Variants in PCDHGA2 observed in about 807,000 individuals in gnomAD.
PCDHGA2 encodes protocadherin gamma-A2.
In PCDHGA2, 40 loss-of-function variants were observed where a neutral mutation model predicts 59.2. That is an observed-to-expected ratio of 0.68 (90% CI 0.52 to 0.88). The LOEUF (loss-of-function observed/expected upper bound fraction) is 0.88. Ranked by LOEUF, PCDHGA2 falls within the 40% of genes least tolerant of loss-of-function variation. PCDHGA2 has a pLI of 0.00. For missense variants in PCDHGA2, 1,226 were observed against 1,204.0 expected, an observed-to-expected ratio of 1.02 and a Z score of -0.27; for synonymous variants, 560 against 526.0, an observed-to-expected ratio of 1.06 and a Z score of -0.89.
intron 1 of PCDHGA2, chr5:141,441,667 A>C: frequency 3.7e-6 from 1 of 267,984 alleles, no homozygotes; most frequent in Non-Finnish European, 7.4e-6. Flanking sequence ...TTGAGCGCAC[A>C]GTGCGCCTTC....
At chr5:141,366,088 C>G (rs752144187) in intron 1 of PCDHGA2, 2 of 1,614,256 alleles carry the variant, frequency 1.2e-6, no homozygotes, top group South Asian at 2.2e-5. Context: ...AACCTGGCTA[C>G]CTGGTGACCA....
chr5:141,374,365 G>C, intron 1 of PCDHGA2: 1 of 1,614,054 alleles, frequency 6.2e-7, no homozygotes, highest in Non-Finnish European at 8.5e-7. Flanking sequence ...ACCGCGAGGA[G>C]CTCTGTGCTC....
chr5:141,509,179 C>T (rs895281717), intron 3 of PCDHGA2, among the ~76,000 whole-genome samples: 1 of 152,172 alleles, frequency 6.6e-6, no homozygotes, highest in African/African-American at 2.4e-5. Flanking sequence ...TCCTCTTATG[C>T]CGGCTTGAAA....
chr5:141,402,973 C>G (rs779898665), intron 1 of PCDHGA2: 1 of 1,607,926 alleles, frequency 6.2e-7, no homozygotes. Context: ...CAACCAAATG[C>G]CAGCTCCGCG....
rs756706355 is a variant in PCDHGA2 at position 141,486,950 on chromosome 5, G to C, written c.2425-7857G>C. 6.2e-7 allele frequency: 1 copy of C among 1,614,202 alleles called. No homozygotes were observed. Among genetic ancestry groups the C allele is most frequent in the East Asian group, 2.2e-5 (1 of 44,876 alleles). On this transcript the variant is annotated intron_variant, in intron 1 of 3. Coordinates refer to ENST00000394576, the MANE Select transcript of PCDHGA2 (RefSeq NM_018915.4). The surrounding 1 kb of genome is among the most constrained non-coding windows in gnomAD (Gnocchi z 5.0). ...TGGTGCTGGCCACCTAATCACAAAG[G>C]TGACTGCTGTGGACTTGGATTCAGG...
chr5:141,393,171 G>A (rs768471669), intron 1 of PCDHGA2: 1 of 1,613,268 alleles, frequency 6.2e-7, no homozygotes, highest in Non-Finnish European at 8.5e-7. Context: ...CTTTGGGGTA[G>A]AAATAGAAAT....
intron 1 of PCDHGA2, chr5:141,345,570 G>A (rs575051330): frequency 2.5e-6 from 4 of 1,614,152 alleles, no homozygotes; most frequent in East Asian, 4.5e-5. Flanking sequence ...CAACACTGGC[G>A]TCCTATACGC....
chr5:141,430,015 T>G (rs2097256653), intron 1 of PCDHGA2, among the ~76,000 whole-genome samples: 1 of 152,236 alleles, frequency 6.6e-6, no homozygotes, highest in South Asian at 2.1e-4. Context: ...TTCACTTGGG[T>G]TCTTGTTAAG....
At chr5:141,410,132 G>T (rs1278988827) in intron 1 of PCDHGA2, 1 of 1,612,754 alleles carries the variant, frequency 6.2e-7, no homozygotes, top group Non-Finnish European at 8.5e-7. Flanking sequence ...GCGCCTGCTG[G>T]TCGCTGTGCG....
At chr5:141,405,555 G>C in intron 1 of PCDHGA2, 1 of 620,228 alleles carries the variant, frequency 1.6e-6, no homozygotes, top group Non-Finnish European at 2.8e-6. Context: ...AAGTAGAGTA[G>C]CTGGGACTAG....
At chr5:141,419,797 A>G (rs371201079) in intron 1 of PCDHGA2, 14 of 1,613,920 alleles carry the variant, frequency 8.7e-6, no homozygotes, top group Non-Finnish European at 1.1e-5. Flanking sequence ...TAGTCGCTGT[A>G]AGAGATGGAG....
intron 1 of PCDHGA2, chr5:141,352,367 G>A: frequency 3.1e-6 from 5 of 1,614,060 alleles, no homozygotes; most frequent in South Asian, 1.1e-5. Context: ...TCTCCTCGCG[G>A]TGATTCTAGC....
intron 1 of PCDHGA2, chr5:141,384,400 G>C: frequency 6.2e-7 from 1 of 1,613,936 alleles, no homozygotes; most frequent in South Asian, 1.1e-5. Flanking sequence ...GGGGGCTCCA[G>C]TGTCCTCCTA....
In PCDHGA2 at chr5:141,477,681, T is replaced by G; in HGVS notation, c.2425-17126T>G. On this transcript the variant is annotated intron_variant, in intron 1 of 3. Transcript: ENST00000394576. This position sits in a 1 kb window ranked among gnomAD's most constrained non-coding sequence, Gnocchi z 4.9. ...CGTGACAATGGCATAGTGTCATCCT[T>G]AGTGCCCCTAGACTATGAGGATCGG... 1 of 1,614,180 alleles carries G rather than the reference T, an allele frequency of 6.2e-7. No individual in the cohort carries two copies. Among genetic ancestry groups the G allele is most frequent in the Non-Finnish European group, 8.5e-7 (1 of 1,180,046 alleles).
intron 1 of PCDHGA2, among the ~76,000 whole-genome samples, chr5:141,461,415 T>C (rs2099015091): frequency 6.6e-6 from 1 of 152,152 alleles, no homozygotes; most frequent in Non-Finnish European, 1.5e-5. Flanking sequence ...TTTCATATGT[T>C]TGTGGGCCAT....
intron 1 of PCDHGA2, among the ~76,000 whole-genome samples, chr5:141,386,466 A>G (rs1317226366): frequency 3.9e-5 from 6 of 152,122 alleles, no homozygotes; most frequent in Non-Finnish European, 8.8e-5. Context: ...GCTTGAACCC[A>G]AGAATTGGAG....
At position 141,437,305 on chromosome 5, in the gene PCDHGA2, G is replaced by A. The variant is rs369317069; in HGVS notation, c.2425-57502G>A. On this transcript the variant is annotated intron_variant, in intron 1 of 3. Transcript: ENST00000394576. ...TATCCATTTCATCTAACAAGTTAAA[G>A]CGTTCAGCTATAATTTAAAATTTGT... 1.8e-4 allele frequency among the ~76,000 whole-genome samples: 28 copies of A among 152,266 alleles called. No homozygotes were observed. In the South Asian group the frequency reaches 4.8e-3, roughly 26 times the overall value.
In PCDHGA2 at chr5:141,490,378, G is replaced by A; in HGVS notation, c.2425-4429G>A. On this transcript the variant is annotated intron_variant, in intron 1 of 3. Transcript: ENST00000394576. The surrounding 1 kb of genome is among the most constrained non-coding windows in gnomAD (Gnocchi z 5.4). The stretch of plus-strand genomic sequence containing the variant: ...GTTTAATGTGCGAGACCGGGACTCA[G>A]GTAGAAATGGTGAAGTGAGCCTTGA... 1 of 1,614,214 alleles carries A rather than the reference G, an allele frequency of 6.2e-7. No homozygotes were observed. The highest frequency in any genetic ancestry group is 1.1e-5 in the South Asian group (1 of 91,086).
intron 1 of PCDHGA2, chr5:141,361,189 G>C: frequency 6.2e-7 from 1 of 1,613,964 alleles, no homozygotes; most frequent in Non-Finnish European, 8.5e-7. Flanking sequence ...TGTGACTTCA[G>C]TATCTACTCC....
Sources: allele counts gnomAD v4.1 joint callset (sites outside exome capture counted in the v4.1 genomes callset), GRCh38; gene constraint gnomAD v4.1.1; non-coding constraint Gnocchi (gnomAD v3.1); transcripts MANE v1.5; gene names NCBI Gene and HGNC (gene_info 2026-07-23, HGNC 2026-07-21).